The following ERC1 variants were observed in gnomAD, a reference collection of about 807,000 sequenced individuals.
The protein encoded by ERC1 is RAB6 interacting protein 2.
In ERC1, 56 loss-of-function variants were observed where a neutral mutation model predicts 132.0. The observed-to-expected ratio is 0.42, with a 90% confidence interval of 0.34 to 0.53. The LOEUF (loss-of-function observed/expected upper bound fraction) is 0.53. ERC1 is among the 20% of genes least tolerant of loss of function. The pLI is 0.03. For synonymous variants in ERC1, 478 were observed against 476.1 expected, an observed-to-expected ratio of 1.00 and a Z score of -0.05; for missense variants, 1,202 against 1,349.9, an observed-to-expected ratio of 0.89 and a Z score of 1.72.
intron 2 of ERC1, among the ~76,000 whole-genome samples, chr12:1,067,970 C>T (rs1405721011): frequency 1.4e-5 from 2 of 145,226 alleles, no homozygotes; most frequent in East Asian, 2.0e-4. Flanking sequence ...GTCGCTCTGT[C>T]GCCCAGGCTG....
chr12:1,444,531 T>G (rs2093249089), intron 17 of ERC1, 31 bp from the exon 18 acceptor site: 1 of 1,448,004 alleles, frequency 6.9e-7, no homozygotes, highest in Non-Finnish European at 9.5e-7. Context: ...TTCCTCATTT[T>G]ATTTTATTTT....
intron 1 of ERC1, among the ~76,000 whole-genome samples, chr12:998,683 C>G (rs1007681841): frequency 2.0e-5 from 3 of 152,072 alleles, no homozygotes; most frequent in African/African-American, 7.2e-5. Flanking sequence ...TTCACAATTG[C>G]ATGAATGCTG....
chr12:1,227,186 A>G (rs562746400), intron 12 of ERC1, among the ~76,000 whole-genome samples: 1 of 152,252 alleles, frequency 6.6e-6, no homozygotes, highest in South Asian at 2.1e-4. Context: ...TCTGTTTCTA[A>G]TGTTTAGAGG....
intron 7 of ERC1, among the ~76,000 whole-genome samples, chr12:1,137,961 ATATAATAT>A (rs1170524183): frequency 2.2e-5 from 3 of 134,036 alleles, no homozygotes; most frequent in African/African-American, 5.8e-5. Flanking sequence ...TATAAATTAG[ATATAATAT>A]TATCATATAT....
At chr12:1,204,660 T>C in intron 12 of ERC1, 2 of 748,346 alleles carry the variant, frequency 2.7e-6, no homozygotes, top group African/African-American at 1.7e-5. Flanking sequence ...GGTATTGGGT[T>C]TATCAGAAGA....
intron 8 of ERC1, among the ~76,000 whole-genome samples, chr12:1,175,915 A>G (rs577155922): frequency 1.3e-5 from 2 of 152,204 alleles, no homozygotes; most frequent in African/African-American, 4.8e-5. Flanking sequence ...TTCTCTTGCT[A>G]TTTCCACATC....
chr12:1,454,070 G>A (rs1220304459), intron 18 of ERC1, among the ~76,000 whole-genome samples: 1 of 152,136 alleles, frequency 6.6e-6, no homozygotes, highest in Non-Finnish European at 1.5e-5. Flanking sequence ...CTAGAGAGAG[G>A]AGGGGAGCTG....
chr12:1,229,811 CCTTA>C (rs1469195586), intron 12 of ERC1, among the ~76,000 whole-genome samples: 6 of 151,708 alleles, frequency 4.0e-5, no homozygotes, highest in Admixed American at 3.3e-4. Context: ...TTTATTATTT[CCTTA>C]CTTTAGCTAA....
chr12:1,057,415 T>G (rs1002960515), intron 2 of ERC1, among the ~76,000 whole-genome samples: 1 of 152,156 alleles, frequency 6.6e-6, no homozygotes, highest in Non-Finnish European at 1.5e-5. Flanking sequence ...CATGAGCCAC[T>G]GCGCCCAGCC....
chr12:1,424,844 T>TG (rs2092569107), intron 17 of ERC1, among the ~76,000 whole-genome samples: 2 of 75,616 alleles, frequency 2.6e-5, no homozygotes, highest in Non-Finnish European at 5.6e-5. Flanking sequence ...GATAGATAGA[T>TG]GATAGATAGA....
chr12:1,154,519 A>C (rs1951185389), intron 8 of ERC1, among the ~76,000 whole-genome samples: 1 of 152,078 alleles, frequency 6.6e-6, no homozygotes, highest in African/African-American at 2.4e-5. Context: ...GATTTATGAC[A>C]AGGATCTCAA....
chr12:1,234,734 C>G (rs1440515923), intron 12 of ERC1, among the ~76,000 whole-genome samples: 5 of 152,044 alleles, frequency 3.3e-5, no homozygotes, highest in Non-Finnish European at 5.9e-5. Context: ...AGATCTGGCA[C>G]AGAAATATAC....
intron 7 of ERC1, among the ~76,000 whole-genome samples, chr12:1,124,747 G>T (rs1344859917): frequency 6.6e-6 from 1 of 151,968 alleles, no homozygotes. Context: ...TAAAGGAGAA[G>T]TAACTACTAG....
At chr12:1,129,877 G>A (rs10744535) in intron 7 of ERC1, among the ~76,000 whole-genome samples, 148,334 of 151,942 alleles carry the variant, frequency 0.98, 72,484 homozygotes, top group East Asian at 1. Context: ...TGTAACAGGA[G>A]AAACTAATCT....
At chr12:1,399,112 G>C (rs1204337651) in intron 16 of ERC1, among the ~76,000 whole-genome samples, 1 of 151,022 alleles carries the variant, frequency 6.6e-6, no homozygotes, top group Non-Finnish European at 1.5e-5. Flanking sequence ...ATCATGCCCA[G>C]CAATTTTTTT....
chr12:1,458,488 A>G (rs371183855), intron 18 of ERC1, among the ~76,000 whole-genome samples: 1 of 151,496 alleles, frequency 6.6e-6, no homozygotes, highest in Non-Finnish European at 1.5e-5. Flanking sequence ...GTGTGTTTAT[A>G]TATGTGTATA....
At position 1,495,626 on chromosome 12, in the gene ERC1, T is replaced by C; in HGVS notation, c.*5396T>C. The C allele has an allele frequency of 8.8e-6, 2 of 226,658 alleles. No homozygotes were observed. Among genetic ancestry groups the C allele is most frequent in the Non-Finnish European group, 1.8e-5 (2 of 113,820 alleles). 14.0% of individuals were successfully genotyped at this position (226,658 alleles called of 1,614,324 possible). On this transcript the variant is annotated 3_prime_UTR_variant, in exon 19 of 19. Coordinates refer to ENST00000360905, the MANE Select transcript of ERC1 (RefSeq NM_178040.4). ...AGTGGGGCCTGTGACTGCTCCCTGA[T>C]GCGTCAGAAGAGAAGTGTTGCACTT...
At chr12:1,062,212 A>T (rs1010802484) in intron 2 of ERC1, among the ~76,000 whole-genome samples, 3 of 151,736 alleles carry the variant, frequency 2.0e-5, no homozygotes, top group Non-Finnish European at 4.4e-5. Flanking sequence ...CTTGATCTCC[A>T]GACCTCGTGA....
Position 1,494,566 on chromosome 12 carries a change from G to A in ERC1, c.*4336G>A. The A allele has an allele frequency of 4.3e-6, 1 of 231,260 alleles. No homozygotes were observed. Among genetic ancestry groups the A allele is most frequent in the Non-Finnish European group, 8.6e-6 (1 of 116,792 alleles). The allele number at this position is 231,260 out of a possible 1,614,324, so 14.3% of individuals were successfully genotyped here. A position where few individuals can be genotyped will look rare whatever the true frequency, so the allele number is the denominator to read the frequency against. ...TTTAGTGTCAAAAATGTAACCAACT[G>A]TCTCCTGATTTTTTCCAATGTGTTT... On this transcript the variant is annotated 3_prime_UTR_variant, in exon 19 of 19. Transcript: ENST00000360905.
Sources: gnomAD v4.1 joint callset for allele counts (sites outside exome capture counted in the v4.1 genomes callset) on GRCh38, gnomAD v4.1.1 for gene constraint, MANE v1.5 for transcripts, NCBI Gene and HGNC (gene_info 2026-07-23, HGNC 2026-07-21) for gene names.